Variants in PTPRD observed in about 807,000 individuals in gnomAD.
PTPRD encodes the protein protein tyrosine phosphatase receptor type D, also known as receptor-type tyrosine-protein phosphatase delta.
In PTPRD, 34 loss-of-function variants were observed where a neutral mutation model predicts 214.5. The ratio of observed to expected loss-of-function variants is 0.16; its 90% CI spans 0.12 to 0.21. PTPRD has a LOEUF of 0.21. Ranked by LOEUF, PTPRD falls within the 10% of genes least tolerant of loss-of-function variation. The pLI is 1.00. For missense variants in PTPRD, 2,545 were observed against 2,398.7 expected (o/e 1.06, Z -1.27); for synonymous variants, 1,128 against 845.7 (o/e 1.33, Z -5.79).
At chr9:9,942,435 A>C (rs950192328) in intron 4 of PTPRD, among the ~76,000 whole-genome samples, 50 of 152,274 alleles carry the variant, frequency 3.3e-4, no homozygotes, top group African/African-American at 1.2e-3. Context: ...TTTACCTATT[A>C]AAGAGTTTAT....
intron 3 of PTPRD, among the ~76,000 whole-genome samples, chr9:10,289,268 T>G (rs2095459665): frequency 6.6e-6 from 1 of 152,180 alleles, no homozygotes; most frequent in African/African-American, 2.4e-5. Context: ...AGGATCTATG[T>G]GTCATTTCCC....
At chr9:8,318,373 C>T (rs1242046386) in intron 45 of PTPRD, among the ~76,000 whole-genome samples, 2 of 152,102 alleles carry the variant, frequency 1.3e-5, no homozygotes, top group Non-Finnish European at 2.9e-5. Context: ...CTGATACAGA[C>T]ACAAACTGTC....
At chr9:8,617,230 G>A (rs779077144) in intron 14 of PTPRD, among the ~76,000 whole-genome samples, 1 of 152,064 alleles carries the variant, frequency 6.6e-6, no homozygotes, top group Non-Finnish European at 1.5e-5. Flanking sequence ...GCAGAAAGAA[G>A]GAAGAGAGAG....
intron 7 of PTPRD, among the ~76,000 whole-genome samples, chr9:9,664,018 G>A (rs1173019871): frequency 6.9e-6 from 1 of 145,420 alleles, no homozygotes; most frequent in Non-Finnish European, 1.5e-5. Flanking sequence ...TTTGGATTAT[G>A]TTCACTGATA....
At chr9:8,689,863 T>C (rs543420998) in intron 12 of PTPRD, among the ~76,000 whole-genome samples, 3 of 152,252 alleles carry the variant, frequency 2.0e-5, no homozygotes, top group African/African-American at 7.2e-5. Context: ...ATCCCAGCAC[T>C]TTGGAAGGCA....
rs552105843 is a variant in PTPRD at position 8,948,408 on chromosome 9, T to A, written c.-104+70289A>T. ...ATTGGTATGTCCATTGGGTTTAAAA[T>A]ATATATATATATATATTTATATATA... On this transcript the variant is annotated intron_variant, in intron 11 of 45. Coordinates refer to ENST00000381196, the MANE Select transcript of PTPRD (RefSeq NM_002839.4). Among the ~76,000 whole-genome samples, 435 of 65,534 alleles carry A rather than the reference T, an allele frequency of 6.6e-3. 22 individuals are homozygous for A. The highest frequency in any genetic ancestry group is 0.018 in the African/African-American group (307 of 17,052). 43.0% of individuals were successfully genotyped at this position (65,534 alleles called of 152,430 possible).
chr9:9,303,518 C>T (rs1025488051), intron 9 of PTPRD, among the ~76,000 whole-genome samples: 2 of 152,062 alleles, frequency 1.3e-5, no homozygotes, highest in African/African-American at 4.8e-5. Flanking sequence ...ACGTTATTCA[C>T]TATTGTAAAA....
At chr9:10,354,682 A>G (rs1208284700) in intron 2 of PTPRD, among the ~76,000 whole-genome samples, 1 of 152,182 alleles carries the variant, frequency 6.6e-6, no homozygotes. Context: ...TACTAGAAGG[A>G]TTATATGAGG....
At chr9:10,158,533 C>T (rs572503207) in intron 3 of PTPRD, among the ~76,000 whole-genome samples, 43 of 152,208 alleles carry the variant, frequency 2.8e-4, no homozygotes, top group African/African-American at 9.9e-4. Flanking sequence ...AGCTTCACTG[C>T]CACTCATAGG....
At chr9:10,356,927 C>CA (rs1197194623) in intron 2 of PTPRD, among the ~76,000 whole-genome samples, 1 of 151,856 alleles carries the variant, frequency 6.6e-6, no homozygotes, top group African/African-American at 2.4e-5. Flanking sequence ...GTGATCCACC[C>CA]ACCTCGGCCT....
At chr9:10,058,587 T>A (rs566652652) in intron 3 of PTPRD, among the ~76,000 whole-genome samples, 1 of 152,120 alleles carries the variant, frequency 6.6e-6, no homozygotes, top group Non-Finnish European at 1.5e-5. Flanking sequence ...TGCTATCAAC[T>A]GAGTCATGAG....
At chr9:10,164,725 T>A (rs1259015121) in intron 3 of PTPRD, among the ~76,000 whole-genome samples, 1 of 151,664 alleles carries the variant, frequency 6.6e-6, no homozygotes, top group Non-Finnish European at 1.5e-5. Flanking sequence ...GAGTATATTT[T>A]ATTCAAATAT....
chr9:9,199,423 AAC>A (rs1482813854), intron 9 of PTPRD, among the ~76,000 whole-genome samples: 6 of 152,184 alleles, frequency 3.9e-5, no homozygotes, highest in African/African-American at 1.4e-4. Context: ...CAGAGTCCTT[AAC>A]CAGAAAACTC....
At chr9:8,518,850 A>C (rs570334604) in intron 20 of PTPRD, among the ~76,000 whole-genome samples, 1 of 149,758 alleles carries the variant, frequency 6.7e-6, no homozygotes, top group African/African-American at 2.5e-5. Context: ...TTAGAATGTA[A>C]CTGGAACCCA....
chr9:10,490,859 T>C (rs1446177840), intron 2 of PTPRD, among the ~76,000 whole-genome samples: 1 of 152,196 alleles, frequency 6.6e-6, no homozygotes, highest in African/African-American at 2.4e-5. Context: ...CTTTGCGCCT[T>C]TTAAAAAGTT....
intron 30 of PTPRD, among the ~76,000 whole-genome samples, chr9:8,477,166 G>C (rs2135381490): frequency 6.6e-6 from 1 of 151,948 alleles, no homozygotes; most frequent in East Asian, 1.9e-4. Flanking sequence ...TTTATATATG[G>C]GTAAAATTAA....
chr9:9,173,016 C>G (rs1244561090), intron 10 of PTPRD, among the ~76,000 whole-genome samples: 3 of 152,146 alleles, frequency 2.0e-5, no homozygotes, highest in African/African-American at 7.2e-5. Context: ...CAGCAGCTAA[C>G]ATGGCCTTCG....
intron 14 of PTPRD, among the ~76,000 whole-genome samples, chr9:8,560,580 G>A (rs2085821508): frequency 6.6e-6 from 1 of 151,986 alleles, no homozygotes; most frequent in South Asian, 2.1e-4. Context: ...ATATAACCCT[G>A]CAGAGGAGCT....
intron 9 of PTPRD, among the ~76,000 whole-genome samples, chr9:9,348,318 G>A (rs890413525): frequency 1.3e-5 from 2 of 152,010 alleles, no homozygotes; most frequent in African/African-American, 4.8e-5. Context: ...CTAGAAAATA[G>A]TTTTCTACTT....
Sources: gnomAD v4.1 joint callset for allele counts (sites outside exome capture counted in the v4.1 genomes callset) on GRCh38, gnomAD v4.1.1 for gene constraint, MANE v1.5 for transcripts, NCBI Gene and HGNC (gene_info 2026-07-23, HGNC 2026-07-21) for gene names.